Variants in RAB27A observed in about 807,000 individuals in gnomAD.
RAB27A encodes the protein RAB27A, member RAS oncogene family.
In RAB27A, 17 loss-of-function variants were observed where a neutral mutation model predicts 20.8. That is an observed-to-expected ratio of 0.82 (90% CI 0.56 to 1.23). RAB27A has a LOEUF of 1.23. Ranked by LOEUF, RAB27A falls within the 50% of genes most tolerant of loss-of-function variation. The probability of loss-of-function intolerance (pLI) is 0.00; values close to 1 mark genes in which losing one functional copy is unlikely to be tolerated. For missense variants in RAB27A, 277 were observed against 266.7 expected (o/e 1.04, Z -0.27); for synonymous variants, 85 against 92.8 (o/e 0.92, Z 0.48).
In RAB27A at chr15:55,234,361, G is replaced by C. The variant is rs1206960583; in HGVS notation, c.153+421C>G. 2.0e-5 allele frequency among the ~76,000 whole-genome samples: 3 copies of C among 152,110 alleles called. No homozygotes were observed. In the East Asian group the frequency reaches 5.8e-4, roughly 29 times the overall value. Reference sequence around the variant, plus strand: ...CAGCAGTGATAAGTTCTGCCAGTTAGTGTTCCATGTGGAACTGCTGAGACT... The same window carrying C: ...CAGCAGTGATAAGTTCTGCCAGTTACTGTTCCATGTGGAACTGCTGAGACT... On this transcript the variant is annotated intron_variant, in intron 3 of 6. Transcript: ENST00000336787.
intron 2 of RAB27A, among the ~76,000 whole-genome samples, chr15:55,255,788 T>G (rs1302833901): frequency 6.6e-6 from 1 of 152,168 alleles, no homozygotes; most frequent in African/African-American, 2.4e-5. Context: ...GGTGGAATGA[T>G]GTACTCATTT....
At chr15:55,278,899 A>C (rs1448020296) in intron 1 of RAB27A, among the ~76,000 whole-genome samples, 2 of 152,206 alleles carry the variant, frequency 1.3e-5, no homozygotes, top group Admixed American at 6.5e-5. Flanking sequence ...TATCCCTGAA[A>C]AATAAGGGCT....
chr15:55,225,156 T>G (rs1176050257), intron 5 of RAB27A, among the ~76,000 whole-genome samples: 1 of 152,222 alleles, frequency 6.6e-6, no homozygotes. Context: ...TGCTTCATGG[T>G]TACCTCATTA....
chr15:55,263,634 AT>A (rs1375145030), intron 2 of RAB27A, among the ~76,000 whole-genome samples: 1 of 152,216 alleles, frequency 6.6e-6, no homozygotes, highest in Non-Finnish European at 1.5e-5. Context: ...ACGTTTATGC[AT>A]TCTGTAATTC....
At chr15:55,238,884 A>G (rs1040899924) in intron 2 of RAB27A, among the ~76,000 whole-genome samples, 1 of 147,572 alleles carries the variant, frequency 6.8e-6, no homozygotes, top group South Asian at 2.1e-4. Flanking sequence ...TACACCATCC[A>G]TTTTAGCAAG....
chr15:55,302,291 T>A lies in RAB27A; in HGVS notation c.-112+11748A>T, dbSNP rs374076403. On this transcript the variant is annotated intron_variant, in intron 2 of 5. Transcript: ENST00000563262. Reference sequence around the variant, plus strand: ...GGTTTCGCTGTGTTGGCCGGGCCGGTCTCCAGCCCCTAACCGCGAGTGATC... The same window carrying A: ...GGTTTCGCTGTGTTGGCCGGGCCGGACTCCAGCCCCTAACCGCGAGTGATC... Among the ~76,000 whole-genome samples the A allele has an allele frequency of 9.2e-5, 14 of 151,976 alleles. No individual in the cohort carries two copies. The East Asian group carries it at 1.8e-3, about 19-fold the overall frequency.
At chr15:55,228,571 G>C (rs778186654) in intron 5 of RAB27A, 38 bp downstream of exon 5, 15 of 1,414,934 alleles carry the variant, frequency 1.1e-5, no homozygotes, top group Admixed American at 1.7e-5. Context: ...AATAAGAGGG[G>C]ACTGTGTAGC....
chr15:55,207,747 A>C (rs1894722220), intron 6 of RAB27A, among the ~76,000 whole-genome samples: 1 of 152,064 alleles, frequency 6.6e-6, no homozygotes, highest in South Asian at 2.1e-4. Flanking sequence ...TAATGGTGTG[A>C]TATTGGCTCA....
chr15:55,266,072 A>C (rs1897469402), intron 2 of RAB27A, among the ~76,000 whole-genome samples: 1 of 152,174 alleles, frequency 6.6e-6, no homozygotes, highest in South Asian at 2.1e-4. Flanking sequence ...TGTCTCCCCA[A>C]AATTTGTATG....
intron 2 of RAB27A, chr15:55,260,158 A>G (rs1897223794): frequency 6.6e-6 from 1 of 152,268 alleles, no homozygotes; most frequent in Non-Finnish European, 1.5e-5. Context: ...AAGAAGATAT[A>G]CAAATGGCAA....
At chr15:55,283,790 A>G (rs1898079564) in intron 1 of RAB27A, among the ~76,000 whole-genome samples, 2 of 152,032 alleles carry the variant, frequency 1.3e-5, no homozygotes, top group South Asian at 4.2e-4. Context: ...TGTATGTTTC[A>G]TTTCTCCCCT....
chr15:55,305,469 A>G (rs148896123), intron 2 of RAB27A, among the ~76,000 whole-genome samples: 4,331 of 152,286 alleles, frequency 0.028, 205 homozygotes, highest in African/African-American at 0.099. Context: ...GGAAGAGACA[A>G]ACTTAACAAG....
chr15:55,293,308 G>A (rs1353385191), upstream of RAB27A, among the ~76,000 whole-genome samples: 1 of 151,830 alleles, frequency 6.6e-6, no homozygotes, highest in Non-Finnish European at 1.5e-5. Flanking sequence ...TTAGCACCTG[G>A]ATGTTGATTT....
At chr15:55,302,952 G>A (rs1487644168) in intron 2 of RAB27A, among the ~76,000 whole-genome samples, 6 of 126,964 alleles carry the variant, frequency 4.7e-5, no homozygotes, top group African/African-American at 7.7e-5. Flanking sequence ...GAGCATCTCC[G>A]CCCGGCAGCC....
At chr15:55,211,977 T>TA (rs1895048511) in intron 6 of RAB27A, among the ~76,000 whole-genome samples, 1 of 146,308 alleles carries the variant, frequency 6.8e-6, no homozygotes, top group Non-Finnish European at 1.5e-5. Flanking sequence ...TTTTTTTTTT[T>TA]TAGCTTTTCC....
At chr15:55,309,357 C>T (rs184776775) in intron 2 of RAB27A, among the ~76,000 whole-genome samples, 69 of 152,298 alleles carry the variant, frequency 4.5e-4, no homozygotes, top group Middle Eastern at 3.4e-3. Flanking sequence ...CAGAGCTGAA[C>T]TTTTGGTTTG....
At position 55,276,379 on chromosome 15, in the gene RAB27A, G is replaced by A. The variant is rs572854133; in HGVS notation, c.-142-6095C>T. ...CCAGACACATAAAGAAAAATACTAT[G>A]TGATCTCCCATATATTTAATATATA... On this transcript the variant is annotated intron_variant, in intron 1 of 6. Transcript: ENST00000336787. Among the ~76,000 whole-genome samples the A allele has an allele frequency of 2.6e-5, 4 of 152,244 alleles. No individual in the cohort carries two copies. In the East Asian group the frequency reaches 7.7e-4, roughly 29 times the overall value.
At chr15:55,288,619 G>A (rs886639815) in intron 1 of RAB27A, among the ~76,000 whole-genome samples, 7 of 151,778 alleles carry the variant, frequency 4.6e-5, no homozygotes, top group Non-Finnish European at 8.8e-5. Flanking sequence ...AGGGAGGGAG[G>A]GAGGAAGAGA....
intron 5 of RAB27A, among the ~76,000 whole-genome samples, chr15:55,226,605 C>T (rs1158384699): frequency 1.3e-5 from 2 of 152,092 alleles, no homozygotes; most frequent in Non-Finnish European, 2.9e-5. Flanking sequence ...CACTGTGGCT[C>T]ACGCCTGTAA....
Sources: gnomAD v4.1 joint callset for allele counts (sites outside exome capture counted in the v4.1 genomes callset) on GRCh38, gnomAD v4.1.1 for gene constraint, MANE v1.5 for transcripts, NCBI Gene and HGNC (gene_info 2026-07-23, HGNC 2026-07-21) for gene names.